The following CSMD1 variants were observed in gnomAD, a reference collection of about 807,000 sequenced individuals.
CSMD1 encodes CUB and sushi domain-containing protein 1.
Under a neutral mutation model 417.5 loss-of-function variants are expected in CSMD1, and 213 were observed. The observed-to-expected ratio is 0.51, with a 90% CI of 0.46 to 0.57. The LOEUF (loss-of-function observed/expected upper bound fraction) is 0.57. CSMD1 is among the 20% of genes least tolerant of loss of function. The pLI is 0.00. For missense variants in CSMD1, 6,923 were observed against 4,529.7 expected (o/e 1.53, Z -15.17); for synonymous variants, 2,862 against 1,736.8 (o/e 1.65, Z -16.11).
At chr8:3,851,291 C>A (rs1169183591) in intron 5 of CSMD1, among the ~76,000 whole-genome samples, 1 of 152,174 alleles carries the variant, frequency 6.6e-6, no homozygotes, top group Non-Finnish European at 1.5e-5. Context: ...AGGGACTGGT[C>A]TTTTCATATT....
intron 3 of CSMD1, among the ~76,000 whole-genome samples, chr8:4,164,887 AAAAAT>A (rs887709500): frequency 8.1e-6 from 1 of 123,088 alleles, no homozygotes; most frequent in African/African-American, 3.3e-5. Flanking sequence ...AAAGAAAAAA[AAAAAT>A]ATATATATAT....
chr8:2,978,128 G>C (rs1249505712), intron 55 of CSMD1, among the ~76,000 whole-genome samples: 1 of 152,144 alleles, frequency 6.6e-6, no homozygotes, highest in African/African-American at 2.4e-5. Flanking sequence ...ACTGTACCAG[G>C]AATGCTCACA....
intron 3 of CSMD1, among the ~76,000 whole-genome samples, chr8:4,198,899 T>C (rs1799491785): frequency 6.6e-6 from 1 of 152,126 alleles, no homozygotes; most frequent in African/African-American, 2.4e-5. Flanking sequence ...TAAAACTATT[T>C]TTACTTTCCT....
chr8:3,353,206 G>C (rs1808529396), intron 21 of CSMD1, among the ~76,000 whole-genome samples: 1 of 152,170 alleles, frequency 6.6e-6, no homozygotes, highest in South Asian at 2.1e-4. Context: ...TTGCTGCTGA[G>C]GGAAGCAACT....
At chr8:3,543,745 C>T (rs148747189) in intron 10 of CSMD1, among the ~76,000 whole-genome samples, 1 of 152,170 alleles carries the variant, frequency 6.6e-6, no homozygotes, top group East Asian at 1.9e-4. Context: ...TTTGAGATGT[C>T]TGTTGGACAC....
intron 3 of CSMD1, among the ~76,000 whole-genome samples, chr8:4,110,109 G>C (rs531278000): frequency 2.0e-5 from 3 of 152,064 alleles, no homozygotes; most frequent in African/African-American, 7.2e-5. Context: ...TGGAAATAAC[G>C]GTGGAGTTGG....
chr8:3,973,340 CTAGA>C (rs1813210568), intron 5 of CSMD1, among the ~76,000 whole-genome samples: 1 of 152,122 alleles, frequency 6.6e-6, no homozygotes, highest in Non-Finnish European at 1.5e-5. Flanking sequence ...CTGCTTGGTG[CTAGA>C]TAGAAGATTT....
chr8:4,897,290 G>GA (rs541325418), intron 1 of CSMD1, among the ~76,000 whole-genome samples: 5 of 151,690 alleles, frequency 3.3e-5, no homozygotes, highest in African/African-American at 9.7e-5. Context: ...ATTTAGGTAA[G>GA]AAAAAAACGG....
intron 5 of CSMD1, among the ~76,000 whole-genome samples, chr8:3,754,742 A>G (rs978906083): frequency 6.6e-6 from 1 of 152,238 alleles, no homozygotes; most frequent in African/African-American, 2.4e-5. Context: ...AGCGTGAGCC[A>G]CGGCGCCCGG....
At chr8:4,154,756 G>A (rs905978699) in intron 3 of CSMD1, among the ~76,000 whole-genome samples, 12 of 152,074 alleles carry the variant, frequency 7.9e-5, no homozygotes, top group African/African-American at 1.9e-4. Context: ...TAATATCCCC[G>A]TAAGATATGA....
At chr8:4,942,207 G>A (rs911775404) in intron 1 of CSMD1, among the ~76,000 whole-genome samples, 1 of 151,930 alleles carries the variant, frequency 6.6e-6, no homozygotes, top group Non-Finnish European at 1.5e-5. Flanking sequence ...CCAACACACA[G>A]ACACATATAA....
chr8:3,229,181 T>C (rs1404245891), intron 27 of CSMD1, among the ~76,000 whole-genome samples: 1 of 152,184 alleles, frequency 6.6e-6, no homozygotes, highest in Non-Finnish European at 1.5e-5. Context: ...AAGGTCATCC[T>C]ATGCAAAATG....
intron 2 of CSMD1, among the ~76,000 whole-genome samples, chr8:4,449,820 C>G (rs182711664): frequency 6.6e-6 from 1 of 152,160 alleles, no homozygotes; most frequent in Non-Finnish European, 1.5e-5. Context: ...CAAGCTTCCC[C>G]TCCTACGTTC....
At chr8:4,049,244 T>G (rs1236584443) in intron 3 of CSMD1, among the ~76,000 whole-genome samples, 1 of 152,104 alleles carries the variant, frequency 6.6e-6, no homozygotes, top group Non-Finnish European at 1.5e-5. Flanking sequence ...AACCTTGACA[T>G]CACTGGCATT....
intron 10 of CSMD1, among the ~76,000 whole-genome samples, chr8:3,520,501 T>A (rs1797463041): frequency 6.6e-6 from 1 of 152,200 alleles, no homozygotes; most frequent in Non-Finnish European, 1.5e-5. Context: ...AAAATGTTTA[T>A]TATCTTGTCA....
chr8:3,211,423 T>A (rs1250793088), intron 30 of CSMD1, among the ~76,000 whole-genome samples: 1 of 152,204 alleles, frequency 6.6e-6, no homozygotes, highest in Non-Finnish European at 1.5e-5. Flanking sequence ...GGTCAGTACC[T>A]GTAATGCGTG....
At chr8:4,891,672 T>C (rs565737591) in intron 1 of CSMD1, among the ~76,000 whole-genome samples, 1 of 152,216 alleles carries the variant, frequency 6.6e-6, no homozygotes, top group Non-Finnish European at 1.5e-5. Context: ...CACTATGTAT[T>C]TATCCTAAGG....
At chr8:4,908,867 A>G (rs571365886) in intron 1 of CSMD1, among the ~76,000 whole-genome samples, 4 of 152,310 alleles carry the variant, frequency 2.6e-5, no homozygotes, top group South Asian at 2.1e-4. Context: ...CTGATAAATC[A>G]TAATTGTTCT....
At chr8:3,028,484 G>C (rs1448340481) in intron 51 of CSMD1, among the ~76,000 whole-genome samples, 1 of 152,168 alleles carries the variant, frequency 6.6e-6, no homozygotes, top group Non-Finnish European at 1.5e-5. Context: ...GGCTATCTTA[G>C]AGAAACGGGG....
Sources: gnomAD v4.1 joint callset for allele counts (sites outside exome capture counted in the v4.1 genomes callset) on GRCh38, gnomAD v4.1.1 for gene constraint, MANE v1.5 for transcripts, NCBI Gene and HGNC (gene_info 2026-07-23, HGNC 2026-07-21) for gene names.